The following GLS variants were observed in gnomAD, a reference collection of about 807,000 sequenced individuals.
The protein encoded by GLS is glutaminase.
Under a neutral mutation model 86.7 loss-of-function variants are expected in GLS, and 36 were observed. That is an observed-to-expected ratio of 0.42 (90% CI 0.32 to 0.55). The LOEUF is 0.55. Ranked by LOEUF, GLS falls within the 20% of genes least tolerant of loss-of-function variation. GLS has a pLI of 0.17. For synonymous variants in GLS, 317 were observed against 305.9 expected (o/e 1.04, Z -0.38); for missense variants, 528 against 833.4 (o/e 0.63, Z 4.51).
intron 5 of GLS, among the ~76,000 whole-genome samples, chr2:190,904,708 T>A (rs1689072642): frequency 6.6e-6 from 1 of 152,140 alleles, no homozygotes; most frequent in Non-Finnish European, 1.5e-5. Flanking sequence ...AATCTAGAGA[T>A]GATTTAAAAC....
chr2:190,881,153 G>T lies in GLS; in HGVS notation c.69G>T (p.Ala23=). 1 of 1,553,452 alleles carries T rather than the reference G, an allele frequency of 6.4e-7. No individual in the cohort carries two copies. ...TGCGGTCGCCCGCCGGCGTGAGCGC[G>T]ACTCTGCGGCGGGCACAGCCCTTGG... ...LLLRSPAGVS[A]TLRRAQPLVT... is the part of the protein sequence containing the mutation. The change falls in exon 1 of 18, where the codon GCG becomes GCT. Residue 23 remains alanine, a synonymous_variant. Coordinates refer to ENST00000320717, the MANE Select transcript of GLS (RefSeq NM_014905.5).
intron 14 of GLS, among the ~76,000 whole-genome samples, chr2:190,942,065 G>T (rs1203934220): frequency 5.5e-5 from 3 of 55,034 alleles, no homozygotes; most frequent in African/African-American, 4.2e-5. Flanking sequence ...AAACTTTGAA[G>T]ACTTTTTTTT....
intron 1 of GLS, 127 bp downstream of exon 1, chr2:190,881,597 G>A: frequency 1.1e-6 from 1 of 928,400 alleles, no homozygotes; most frequent in Non-Finnish European, 1.5e-6. Flanking sequence ...GAGGTGCCGG[G>A]CGGCCTGCGC....
Position 190,953,557 on chromosome 2 carries a change from C to A in GLS, c.1651-8C>A, listed in dbSNP as rs373610600. On this transcript the variant is annotated splice_region_variant and splice_polypyrimidine_tract_variant and intron_variant, in intron 14 of 17. Coordinates refer to ENST00000320717, the MANE Select transcript of GLS (RefSeq NM_014905.5). This position sits in a 1 kb window ranked among gnomAD's most constrained non-coding sequence, Gnocchi z 4.0. Reference sequence around the variant, plus strand: ...CCTAAGGATGCCTAAACTTTCTTTTCTTCACAGGTAAAGTCAGTGATAAAT... The same window carrying A: ...CCTAAGGATGCCTAAACTTTCTTTTATTCACAGGTAAAGTCAGTGATAAAT... 3 of 1,599,136 alleles carry A rather than the reference C, an allele frequency of 1.9e-6. No homozygotes were observed. Among genetic ancestry groups the A allele is most frequent in the Non-Finnish European group, 8.6e-7 (1 of 1,166,570 alleles).
In GLS at chr2:190,924,480, A is replaced by G. The variant is rs7564529; in HGVS notation, c.1198-63A>G. The G allele has an allele frequency of 0.12, 96,788 of 832,608 alleles. 8,896 individuals are homozygous for G. Among genetic ancestry groups the G allele is most frequent in the Admixed American group, 0.37 (20,648 of 55,496 alleles). The allele number at this position is 832,608 out of a possible 1,614,324, so 51.6% of individuals were successfully genotyped here. A position where few individuals can be genotyped will look rare whatever the true frequency, so the allele number is the denominator to read the frequency against. ...TGTGTACATTTGAAATTTTTCATAT[A>G]TTTCTCTACTTATGTGCATTCCTGT... On this transcript the variant is annotated intron_variant, in intron 10 of 17. Coordinates refer to ENST00000320717, the MANE Select transcript of GLS (RefSeq NM_014905.5). This position sits in a 1 kb window ranked among gnomAD's most constrained non-coding sequence, Gnocchi z 5.2.
chr2:190,916,729 T>C (rs1204214321), intron 7 of GLS, among the ~76,000 whole-genome samples: 2 of 152,210 alleles, frequency 1.3e-5, no homozygotes, highest in East Asian at 1.9e-4. Context: ...CTCAGAGATA[T>C]TGCAGATCAC....
chr2:190,919,727 T>C (rs1336262739), intron 7 of GLS: 3 of 621,720 alleles, frequency 4.8e-6, no homozygotes, highest in Non-Finnish European at 6.0e-6. Flanking sequence ...GGAGTTACAT[T>C]TCTACATTTT....
Position 190,926,174 on chromosome 2 carries a change from T to C in GLS, c.1249-1132T>C, listed in dbSNP as rs553850745. 1.1e-4 allele frequency among the ~76,000 whole-genome samples: 17 copies of C among 152,290 alleles called. No individual in the cohort carries two copies. In the South Asian group the frequency reaches 2.9e-3, roughly 26 times the overall value. ...GAGTTGGCATTTGGCAAATTAAGAA[T>C]GTGCTGCCTTATGACAAACAAAATT... On this transcript the variant is annotated intron_variant, in intron 11 of 17. Transcript: ENST00000320717.
chr2:190,911,317 T>TA (rs1305646905), intron 7 of GLS, among the ~76,000 whole-genome samples: 1 of 152,066 alleles, frequency 6.6e-6, no homozygotes, highest in East Asian at 1.9e-4. Context: ...TCTTAACTTT[T>TA]AAGAGTTTTA....
intron 1 of GLS, 41 bp downstream of exon 1, chr2:190,881,511 G>T (rs895464953): frequency 1.2e-5 from 18 of 1,521,706 alleles, no homozygotes; most frequent in Non-Finnish European, 1.6e-5. Flanking sequence ...CGTTCCTTTC[G>T]GGGCCCGGGC....
chr2:190,909,167 CA>C lies in GLS; in HGVS notation c.980-1092del, dbSNP rs535758627. ...TGAAACTTGGCATTATGAATACACC[CA>C]AAATGTAGGATATTTTTCTTTTTAT... On this transcript the variant is annotated intron_variant, in intron 6 of 17. Coordinates refer to ENST00000320717, the MANE Select transcript of GLS (RefSeq NM_014905.5). 3.0e-3 allele frequency among the ~76,000 whole-genome samples: 456 copies of C among 151,942 alleles called. 8 individuals are homozygous for C. Among genetic ancestry groups the C allele is most frequent in the African/African-American group, 0.01 (425 of 41,500 alleles).
intron 6 of GLS, among the ~76,000 whole-genome samples, chr2:190,908,121 A>G (rs899338780): frequency 5.9e-5 from 9 of 152,188 alleles, no homozygotes; most frequent in African/African-American, 1.9e-4. Flanking sequence ...TCCCAACCAG[A>G]TGGAGAATAT....
Position 190,954,843 on chromosome 2 carries a change from A to G in GLS, c.1853+25A>G. 7.0e-7 allele frequency: 1 copy of G among 1,437,924 alleles called. No individual in the cohort carries two copies. The allele number at this position is 1,437,924 out of a possible 1,614,324, so 89.1% of individuals were successfully genotyped here. A position where few individuals can be genotyped will look rare whatever the true frequency, so the allele number is the denominator to read the frequency against. ...GGTGAGCACTTATGTTACCTTCTAA[A>G]TATGTCAGTATTTTATTATGCAGGA... On this transcript the variant is annotated intron_variant, in intron 17 of 17. Transcript: ENST00000320717. This position sits in a 1 kb window ranked among gnomAD's most constrained non-coding sequence, Gnocchi z 4.0.
rs1688725077 is a variant in GLS, at chr2:190,895,984, A to G, written c.605+259A>G. 1 of 233,738 alleles carries G rather than the reference A, an allele frequency of 4.3e-6. No homozygotes were observed. The allele number at this position is 233,738 out of a possible 1,614,324, so 14.5% of individuals were successfully genotyped here. On this transcript the variant is annotated intron_variant, in intron 3 of 17. Transcript: ENST00000320717. The surrounding 1 kb of genome is among the most constrained non-coding windows in gnomAD (Gnocchi z 4.2). ...TTTACAGTACTTGGAGATTGCATTC[A>G]GTTTGAGTAGAGCACATCCTTTGTC...
chr2:190,944,230 A>G (rs1180382393), intron 14 of GLS, among the ~76,000 whole-genome samples: 1 of 150,328 alleles, frequency 6.7e-6, no homozygotes, highest in Non-Finnish European at 1.5e-5. Context: ...GTATTTGGTG[A>G]TGAATGTCTT....
In GLS at chr2:190,915,453, A is replaced by G. The variant is rs1200189311; in HGVS notation, c.1038+5132A>G. ...TTTATTTTAAAAATGTTTCTACTGTATTTACTACAAATGATTATAGCTTTT... is the reference window on the plus strand; with the variant it reads ...TTTATTTTAAAAATGTTTCTACTGTGTTTACTACAAATGATTATAGCTTTT... On this transcript the variant is annotated intron_variant, in intron 7 of 17. Transcript: ENST00000320717. 2.0e-5 allele frequency among the ~76,000 whole-genome samples: 3 copies of G among 152,068 alleles called. No individual in the cohort carries two copies. The East Asian group carries it at 5.8e-4, about 29-fold the overall frequency.
In GLS at chr2:190,880,891, G is replaced by GCAC; in HGVS notation, c.-192_-191insCCA. The GCAC allele has an allele frequency of 1.6e-5, 8 of 501,204 alleles. No homozygotes were observed. The highest frequency in any genetic ancestry group is 2.4e-5 in the Non-Finnish European group (8 of 327,290). The allele number at this position is 501,204 out of a possible 1,614,324, so 31.0% of individuals were successfully genotyped here. On this transcript the variant is annotated 5_prime_UTR_variant, in exon 1 of 18. Transcript: ENST00000320717. ...CTAGCGCGCAGCAGCAGCAGCAGCA[G>GCAC]CAGCAGCAGCAGCAGCAGCAGCAGC...
chr2:190,885,859 T>A (rs1016855088), intron 1 of GLS, among the ~76,000 whole-genome samples: 9 of 151,488 alleles, frequency 5.9e-5, no homozygotes, highest in African/African-American at 9.7e-5. Context: ...TTTTTTTTTT[T>A]AAATTTTATT....
intron 14 of GLS, chr2:190,932,981 G>GGT: frequency 1.6e-6 from 2 of 1,229,692 alleles, no homozygotes; most frequent in Non-Finnish European, 2.0e-6. Context: ...TTGGGTGCTG[G>GGT]AGCCATAAAG....
Sources: allele counts gnomAD v4.1 joint callset (sites outside exome capture counted in the v4.1 genomes callset), GRCh38; gene constraint gnomAD v4.1.1; non-coding constraint Gnocchi (gnomAD v3.1); transcripts MANE v1.5; gene names NCBI Gene and HGNC (gene_info 2026-07-23, HGNC 2026-07-21).